Variants in EPHA6 observed in about 807,000 individuals in gnomAD.
EPHA6 encodes EPH receptor A6.
A neutral mutation model predicts 112.0 loss-of-function variants in EPHA6; 50 were observed. The observed-to-expected ratio is 0.45, with a 90% CI of 0.36 to 0.56. The LOEUF (loss-of-function observed/expected upper bound fraction) is 0.56. Ranked by LOEUF, EPHA6 falls within the 20% of genes least tolerant of loss-of-function variation. EPHA6 has a pLI of 0.00. For synonymous variants in EPHA6, 529 were observed against 490.7 expected (o/e 1.08, Z -1.03); for missense variants, 1,280 against 1,417.4 (o/e 0.90, Z 1.56).
In EPHA6 at chr3:97,696,531, A is replaced by G. The variant is rs1335773100; in HGVS notation, c.2785-23730A>G. Among the ~76,000 whole-genome samples, 5 of 152,154 alleles carry G rather than the reference A, an allele frequency of 3.3e-5. No individual in the cohort carries two copies. In the East Asian group the frequency reaches 9.6e-4, roughly 29 times the overall value. Reference sequence around the variant, plus strand: ...TGTATTGGCACCAACTTACCCTAATAGGCATCTTATACTTTTGGACAAAAT... The same window carrying G: ...TGTATTGGCACCAACTTACCCTAATGGGCATCTTATACTTTTGGACAAAAT... On this transcript the variant is annotated intron_variant, in intron 14 of 17. Coordinates refer to ENST00000389672, the MANE Select transcript of EPHA6 (RefSeq NM_001080448.3).
chr3:97,660,142 G>A lies in EPHA6; in HGVS notation c.2784+22060G>A, dbSNP rs189970769. Among the ~76,000 whole-genome samples, 456 of 152,068 alleles carry A rather than the reference G, an allele frequency of 3.0e-3. 2 individuals carry two copies. Among genetic ancestry groups the A allele is most frequent in the African/African-American group, 9.7e-3 (403 of 41,524 alleles). ...CTTGAAACCCTATAAAACATTGACA[G>A]AAAGAGGATTGTAACAACCATATAT... is the stretch of plus-strand genomic sequence containing the variant. On this transcript the variant is annotated intron_variant, in intron 14 of 17. Coordinates refer to ENST00000389672, the MANE Select transcript of EPHA6 (RefSeq NM_001080448.3).
intron 3 of EPHA6, among the ~76,000 whole-genome samples, chr3:97,036,653 C>T (rs2045108429): frequency 6.6e-6 from 1 of 151,996 alleles, no homozygotes; most frequent in Admixed American, 6.6e-5. Context: ...CATTCTTGAG[C>T]TCTATTCTAG....
intron 6 of EPHA6, among the ~76,000 whole-genome samples, chr3:97,422,314 A>T (rs1179900392): frequency 6.6e-6 from 1 of 152,088 alleles, no homozygotes; most frequent in Admixed American, 6.5e-5. Flanking sequence ...CCAATTGAAA[A>T]CCTTATGTAA....
intron 11 of EPHA6, among the ~76,000 whole-genome samples, chr3:97,568,532 TCTACAGCTCTCAGAGAGCACCATG>T (rs2093296799): frequency 6.6e-6 from 1 of 152,222 alleles, no homozygotes; most frequent in Non-Finnish European, 1.5e-5. Flanking sequence ...TATTAAACCA[TCTACAGCTCTCAGAGAGCACCATG>T]CTCTTCAGAG....
intron 5 of EPHA6, among the ~76,000 whole-genome samples, chr3:97,394,273 A>C (rs1359880832): frequency 1.3e-5 from 2 of 151,880 alleles, no homozygotes; most frequent in Non-Finnish European, 2.9e-5. Context: ...AGTCAACTTA[A>C]AATGGATTAA....
intron 5 of EPHA6, among the ~76,000 whole-genome samples, chr3:97,295,435 A>G (rs951181634): frequency 4.6e-5 from 7 of 151,264 alleles, no homozygotes; most frequent in Admixed American, 1.3e-4. Context: ...CTTTTTTATG[A>G]TATCTGTCTC....
intron 2 of EPHA6, among the ~76,000 whole-genome samples, chr3:96,902,592 T>C (rs1318999444): frequency 6.6e-6 from 1 of 152,152 alleles, no homozygotes; most frequent in Non-Finnish European, 1.5e-5. Context: ...TGGACTCATC[T>C]AGGCTATTGA....
rs538291600 is a variant in EPHA6 at position 96,941,293 on chromosome 3, C to T, written c.451-46037C>T. Among the ~76,000 whole-genome samples the T allele has an allele frequency of 1.4e-4, 21 of 152,196 alleles. No individual in the cohort carries two copies. In the East Asian group the frequency reaches 4.1e-3, roughly 29 times the overall value. On this transcript the variant is annotated intron_variant, in intron 2 of 17. Transcript: ENST00000389672. ...TCCCATATTTCCTGGAGGCTTTGTT[C>T]GTTTCTTTTTATTCTTTTTTCTCTA...
chr3:97,427,667 A>G lies in EPHA6; in HGVS notation c.1732-20901A>G, dbSNP rs561068729. ...AGGTTTACCTGTGTAACAAAACTGC[A>G]CATGTATCCTTAAAGTAAAATTAAA... On this transcript the variant is annotated intron_variant, in intron 6 of 17. Transcript: ENST00000389672. Among the ~76,000 whole-genome samples, 3 of 152,142 alleles carry G rather than the reference A, an allele frequency of 2.0e-5. No individual in the cohort carries two copies. In the South Asian group the frequency reaches 6.2e-4, roughly 32 times the overall value.
chr3:97,011,507 C>A (rs1166118587), intron 3 of EPHA6, among the ~76,000 whole-genome samples: 12 of 152,176 alleles, frequency 7.9e-5, no homozygotes, highest in Admixed American at 7.9e-4. Flanking sequence ...AGTAAGCTAG[C>A]AAACTGGCTA....
At chr3:97,377,195 G>C (rs1294080404) in intron 5 of EPHA6, among the ~76,000 whole-genome samples, 1 of 152,094 alleles carries the variant, frequency 6.6e-6, no homozygotes, top group East Asian at 1.9e-4. Context: ...GGACTCAATA[G>C]GAGATAATTT....
rs79696119 is a variant in EPHA6, at chr3:97,749,130, G to T, written c.*429G>T. The T allele has an allele frequency of 0.018, 4,213 of 235,090 alleles. 111 individuals are homozygous for T. Among genetic ancestry groups the T allele is most frequent in the African/African-American group, 0.066 (3,001 of 45,364 alleles). 14.6% of individuals were successfully genotyped at this position (235,090 alleles called of 1,614,324 possible). ...TGATCAAGTAGCTTCCAAACTGACA[G>T]AAATGTTTCATTTTTAGATAATTAT... On this transcript the variant is annotated 3_prime_UTR_variant, in exon 18 of 18. Transcript: ENST00000389672.
intron 3 of EPHA6, among the ~76,000 whole-genome samples, chr3:97,137,998 C>G (rs1258417645): frequency 6.6e-6 from 1 of 151,984 alleles, no homozygotes; most frequent in African/African-American, 2.4e-5. Context: ...ATAGGTCTTC[C>G]AAGATATAAC....
intron 3 of EPHA6, among the ~76,000 whole-genome samples, chr3:97,192,114 G>A (rs2077321925): frequency 6.6e-6 from 1 of 151,958 alleles, no homozygotes; most frequent in Admixed American, 6.6e-5. Flanking sequence ...ATAACTATTT[G>A]CCACTCTATG....
At chr3:97,746,333 G>T (rs2035714388) in intron 16 of EPHA6, among the ~76,000 whole-genome samples, 1 of 151,554 alleles carries the variant, frequency 6.6e-6, no homozygotes, top group Non-Finnish European at 1.5e-5. Flanking sequence ...TTCTTTAAAT[G>T]ATATATTTAT....
chr3:97,026,366 G>T (rs2044638083), intron 3 of EPHA6, among the ~76,000 whole-genome samples: 1 of 152,068 alleles, frequency 6.6e-6, no homozygotes, highest in African/African-American at 2.4e-5. Flanking sequence ...TGGGCAATAT[G>T]GCCGTTTTAC....
chr3:96,821,989 G>A (rs62262903), intron 1 of EPHA6, among the ~76,000 whole-genome samples: 6,905 of 151,866 alleles, frequency 0.045, 201 homozygotes, highest in Middle Eastern at 0.075. Context: ...GAATTTTACA[G>A]TAAATGATGT....
At chr3:97,146,368 T>A (rs1044649901) in intron 3 of EPHA6, among the ~76,000 whole-genome samples, 1 of 151,914 alleles carries the variant, frequency 6.6e-6, no homozygotes, top group Non-Finnish European at 1.5e-5. Context: ...CTGGAGAATA[T>A]CACTTAGTTC....
intron 3 of EPHA6, among the ~76,000 whole-genome samples, chr3:97,103,316 G>A (rs1271519640): frequency 1.6e-4 from 24 of 152,076 alleles, no homozygotes; most frequent in Non-Finnish European, 1.5e-5. Flanking sequence ...GTTGATTTTT[G>A]TATATAGTGT....
Sources: allele counts gnomAD v4.1 joint callset (sites outside exome capture counted in the v4.1 genomes callset), GRCh38; gene constraint gnomAD v4.1.1; transcripts MANE v1.5; gene names NCBI Gene and HGNC (gene_info 2026-07-23, HGNC 2026-07-21).